The following RRP12 variants were observed in gnomAD, a reference collection of about 807,000 sequenced individuals.
The protein encoded by RRP12 is ribosomal RNA processing 12 homolog.
RRP12 carries 78 observed loss-of-function variants against 157.3 expected under a neutral mutation model. That is an observed-to-expected ratio of 0.50 (90% CI 0.41 to 0.60). The LOEUF (loss-of-function observed/expected upper bound fraction) is 0.60, where lower values mean the gene tolerates loss of function less well. RRP12 is among the 20% of genes least tolerant of loss of function. The pLI is 0.00. For missense variants in RRP12, 1,521 were observed against 1,679.9 expected (o/e 0.91, Z 1.65); for synonymous variants, 726 against 670.9 (o/e 1.08, Z -1.27).
In RRP12 at chr10:97,365,766, T is replaced by TAA. The variant is rs541108198; in HGVS notation, c.3517+340_3517+341dup. 9.1e-3 allele frequency: 1,565 copies of TAA among 171,430 alleles called. 2 individuals carry two copies. The highest frequency in any genetic ancestry group is 0.022 in the South Asian group (322 of 14,530). The allele number at this position is 171,430 out of a possible 1,614,324, so 10.6% of individuals were successfully genotyped here. A position where few individuals can be genotyped will look rare whatever the true frequency, so the allele number is the denominator to read the frequency against. On this transcript the variant is annotated intron_variant, in intron 29 of 33. Transcript: ENST00000370992. ...TTCAGGGCCTTAGCCAAGTTTGCATTAAAAAAAAAAAAAAAAGAGGAAGGA... is the reference window on the plus strand; with the variant it reads ...TTCAGGGCCTTAGCCAAGTTTGCATTAAAAAAAAAAAAAAAAAAGAGGAAGGA...
intron 14 of RRP12, 99 bp downstream of exon 14, chr10:97,379,529 C>A: frequency 6.3e-7 from 1 of 1,591,572 alleles, no homozygotes; most frequent in South Asian, 1.1e-5. Context: ...CTGCTGAGCC[C>A]TGCACTGACA....
intron 10 of RRP12, among the ~76,000 whole-genome samples, chr10:97,384,890 C>A (rs1227681321): frequency 6.6e-6 from 1 of 151,498 alleles, no homozygotes; most frequent in Non-Finnish European, 1.5e-5. Context: ...TGAGGACCCC[C>A]AATCTTGGCA....
intron 20 of RRP12, chr10:97,371,448 T>C: frequency 3.8e-6 from 1 of 260,894 alleles, no homozygotes; most frequent in South Asian, 6.0e-5. Context: ...CCAAACCAGC[T>C]CTCTGTCACA....
chr10:97,375,976 C>T (rs1004515955), intron 15 of RRP12, among the ~76,000 whole-genome samples: 9 of 152,024 alleles, frequency 5.9e-5, no homozygotes, highest in Admixed American at 2.0e-4. Context: ...TGATGGTACA[C>T]GCCTGTAGAC....
Position 97,373,600 on chromosome 10 carries a change from G to A in RRP12, c.2001C>T (p.Thr667=). ...CTGCCTGGCAGCCCTTGGTGATGAG[G>A]GTGCGCAGGGCCTGGCACACGGTGA... The part of the protein sequence containing the change: ...LRVTVCQALR[T]LITKGCQAEA... The change falls in exon 17 of 34, where the codon ACC becomes ACT. Residue 667 remains threonine (T), a synonymous_variant. Coordinates refer to ENST00000370992, the MANE Select transcript of RRP12 (RefSeq NM_015179.4). The A allele has an allele frequency of 6.2e-7, 1 of 1,608,142 alleles. No homozygotes were observed. The highest frequency in any genetic ancestry group is 1.1e-5 in the South Asian group (1 of 90,758).
At chr10:97,382,108 A>G (rs1844487296) in intron 10 of RRP12, among the ~76,000 whole-genome samples, 1 of 152,188 alleles carries the variant, frequency 6.6e-6, no homozygotes, top group Admixed American at 6.5e-5. Flanking sequence ...CTTCCAGGGG[A>G]AAATCAAGGT....
At chr10:97,375,586 G>A (rs1844282876) in intron 15 of RRP12, among the ~76,000 whole-genome samples, 1 of 152,114 alleles carries the variant, frequency 6.6e-6, no homozygotes, top group Non-Finnish European at 1.5e-5. Flanking sequence ...CCAGGACAAA[G>A]GGAATACATA....
At chr10:97,376,971 C>A (rs1052922847) in intron 15 of RRP12, among the ~76,000 whole-genome samples, 1 of 151,772 alleles carries the variant, frequency 6.6e-6, no homozygotes, top group South Asian at 2.1e-4. Flanking sequence ...CCTCCGCCCC[C>A]CAGAGTCCAA....
intron 19 of RRP12, among the ~76,000 whole-genome samples, chr10:97,372,369 A>C (rs766559299): frequency 6.6e-6 from 1 of 152,168 alleles, no homozygotes; most frequent in Admixed American, 6.5e-5. Context: ...GGTGTTTTAC[A>C]CCTGCTAACT....
Position 97,367,048 on chromosome 10 carries a change from T to TG in RRP12, c.3039dup (p.Lys1014GlnfsTer5). The TG allele has an allele frequency of 6.2e-7, 1 of 1,614,158 alleles. No individual in the cohort carries two copies. Among genetic ancestry groups the TG allele is most frequent in the Non-Finnish European group, 8.5e-7 (1 of 1,180,004 alleles). On this transcript the variant is annotated frameshift_variant, in exon 26 of 34. Coordinates refer to ENST00000370992, the MANE Select transcript of RRP12 (RefSeq NM_015179.4). LOFTEE classifies it high-confidence loss of function. Reference sequence around the variant, plus strand: ...CCTGCTCAGTGCACAGACCCAAACTTGCGGATGAACTTGGTGAACAGGTTC... The same window carrying TG: ...CCTGCTCAGTGCACAGACCCAAACTTGGCGGATGAACTTGGTGAACAGGTTC...
At chr10:97,399,769 T>A (rs1845084937) in intron 2 of RRP12, among the ~76,000 whole-genome samples, 1 of 147,922 alleles carries the variant, frequency 6.8e-6, no homozygotes, top group African/African-American at 2.5e-5. Flanking sequence ...AAAAAAAAAA[T>A]TAGCCGGGCG....
At chr10:97,358,028 TATC>T (rs1843755002) in intron 33 of RRP12, among the ~76,000 whole-genome samples, 1 of 149,586 alleles carries the variant, frequency 6.7e-6, no homozygotes, top group Non-Finnish European at 1.5e-5. Flanking sequence ...TATGACATAA[TATC>T]ATGTTTAAAG....
At chr10:97,395,670 A>T (rs935657033) in intron 3 of RRP12, among the ~76,000 whole-genome samples, 4 of 151,772 alleles carry the variant, frequency 2.6e-5, no homozygotes, top group Non-Finnish European at 5.9e-5. Context: ...CCAACATAGT[A>T]AAACCTCTTC....
At chr10:97,384,340 C>G (rs1026365660) in intron 10 of RRP12, among the ~76,000 whole-genome samples, 1 of 150,794 alleles carries the variant, frequency 6.6e-6, no homozygotes, top group African/African-American at 2.5e-5. Flanking sequence ...CCAACCTCTG[C>G]AGCCTGGAGG....
At chr10:97,374,004 T>C (rs952931161) in intron 15 of RRP12, 110 bp from the exon 16 acceptor site, 1 of 800,056 alleles carries the variant, frequency 1.2e-6, no homozygotes, top group Non-Finnish European at 2.1e-6. Flanking sequence ...TATGGGTGAC[T>C]TCCCCCCATC....
At position 97,388,385 on chromosome 10, in the gene RRP12, A is replaced by G. The variant is rs1339889506; in HGVS notation, c.890-6T>C. The G allele has an allele frequency of 6.2e-7, 1 of 1,613,814 alleles. No homozygotes were observed. The highest frequency in any genetic ancestry group is 2.2e-5 in the East Asian group (1 of 44,888). ...GGTGGTGGCCTCCTTGGAGCCTGGT[A>G]TACAGAAGAGGAATTGAGACACCAG... On this transcript the variant is annotated splice_region_variant and splice_polypyrimidine_tract_variant and intron_variant, in intron 7 of 33. Coordinates refer to ENST00000370992, the MANE Select transcript of RRP12 (RefSeq NM_015179.4).
intron 4 of RRP12, 37 bp from the exon 5 acceptor site, chr10:97,390,881 C>G (rs376278639): frequency 1.5e-6 from 2 of 1,373,218 alleles, no homozygotes; most frequent in South Asian, 1.2e-5. Flanking sequence ...CCCAGAGGGT[C>G]CCTGAAGAGC....
chr10:97,367,616 T>C (rs568984362), intron 25 of RRP12, among the ~76,000 whole-genome samples: 1 of 152,318 alleles, frequency 6.6e-6, no homozygotes, highest in South Asian at 2.1e-4. Flanking sequence ...TCTCACTGCA[T>C]TCTGCTCTGG....
In RRP12 at chr10:97,370,217, A is replaced by G. The variant is rs1047966365; in HGVS notation, c.2747T>C (p.Met916Thr). The G allele has an allele frequency of 3.7e-6, 6 of 1,607,476 alleles. No homozygotes were observed. Among genetic ancestry groups the G allele is most frequent in the Non-Finnish European group, 5.1e-6 (6 of 1,177,478 alleles). The change falls in exon 24 of 34, where the codon ATG becomes ACG. Residue 916 changes from methionine (M) to threonine (T), a missense_variant. Met to Thr is a moderately conservative substitution (Grantham distance 81). Transcript: ENST00000370992. ...IYPGLVGAVT[M>T]VSCSILALTH... ...CAGGGCCAGGATGCTGCAGCTGACC[A>G]TGGTCACCGCGCCCACCAGGCCAGG... is the stretch of plus-strand genomic sequence containing the variant.
Sources: gnomAD v4.1 joint callset for allele counts (sites outside exome capture counted in the v4.1 genomes callset) on GRCh38, gnomAD v4.1.1 for gene constraint, MANE v1.5 for transcripts, NCBI Gene and HGNC (gene_info 2026-07-23, HGNC 2026-07-21) for gene names.